HIVEP1: variants seen among roughly 807,000 people sequenced by gnomAD.
The protein encoded by HIVEP1 is zinc finger protein 40.
In HIVEP1, 36 loss-of-function variants were observed where a neutral mutation model predicts 180.0. That is an observed-to-expected ratio of 0.20 (90% CI 0.15 to 0.26). The LOEUF is 0.26. HIVEP1 is among the 10% of genes least tolerant of loss of function. The pLI, the probability that HIVEP1 is intolerant of heterozygous loss-of-function variation, is 1.00. For missense variants in HIVEP1, 3,143 were observed against 3,268.7 expected, an observed-to-expected ratio of 0.96 and a Z score of 0.94; for synonymous variants, 1,239 against 1,239.0, an observed-to-expected ratio of 1.00 and a Z score of 0.00.
chr6:12,128,101 G>T (rs1452634359), intron 4 of HIVEP1, among the ~76,000 whole-genome samples: 1 of 152,168 alleles, frequency 6.6e-6, no homozygotes, highest in Admixed American at 6.5e-5. Flanking sequence ...TGATAACTTT[G>T]GCAAGTAGAA....
the HIVEP1 span, among the ~76,000 whole-genome samples, chr6:12,185,796 G>C: frequency 2.0e-5 from 3 of 152,190 alleles, no homozygotes; most frequent in African/African-American, 7.2e-5. Flanking sequence ...AGAATACCAA[G>C]TGTTGGCAAG....
intron 7 of HIVEP1, among the ~76,000 whole-genome samples, chr6:12,138,263 A>G (rs1758811288): frequency 6.6e-6 from 1 of 152,198 alleles, no homozygotes; most frequent in Admixed American, 6.5e-5. Flanking sequence ...TCACCTCTTT[A>G]ATTATACCTA....
intron 4 of HIVEP1, among the ~76,000 whole-genome samples, chr6:12,128,882 A>G (rs1758251532): frequency 6.6e-6 from 1 of 152,200 alleles, no homozygotes; most frequent in Admixed American, 6.5e-5. Context: ...TGCCACATTT[A>G]TCAGTATTCA....
intron 3 of HIVEP1, among the ~76,000 whole-genome samples, chr6:12,109,761 ACCT>A (rs1774765198): frequency 6.6e-6 from 1 of 152,008 alleles, no homozygotes; most frequent in Non-Finnish European, 1.5e-5. Context: ...TGCCATTTTG[ACCT>A]CCTCTCATCA....
In HIVEP1 at chr6:12,122,863, A is replaced by T; in HGVS notation, c.3068A>T (p.Glu1023Val). 5 of 1,614,124 alleles carry T rather than the reference A, an allele frequency of 3.1e-6. No homozygotes were observed. Among genetic ancestry groups the T allele is most frequent in the Non-Finnish European group, 4.2e-6 (5 of 1,179,976 alleles). ...GTCGCTGGGTCCTCCGGCATCTGGG[A>T]ACAGACGCCCCAGATAAGAAAAAGG... ...YRVAGSSGIW[E>V]QTPQIRKRRK... The change falls in exon 4 of 9, where the codon GAA becomes GTA. Residue 1023 changes from glutamate to valine, a missense_variant. Physicochemically the swap from Glu to Val is moderately radical, Grantham distance 121. This residue lies in a region of HIVEP1 where 1,357 missense variants were observed against 1,260.5 expected (regional missense o/e 1.08). Transcript: ENST00000379388.
At chr6:12,024,038 A>G (rs1768421952) in intron 2 of HIVEP1, among the ~76,000 whole-genome samples, 1 of 152,174 alleles carries the variant, frequency 6.6e-6, no homozygotes, top group East Asian at 1.9e-4. Context: ...TTAACTCTTT[A>G]AAAACATTTT....
intron 2 of HIVEP1, among the ~76,000 whole-genome samples, chr6:12,017,569 CCCGTCTGG>C (rs1302908620): frequency 5.8e-4 from 89 of 152,356 alleles, no homozygotes; most frequent in African/African-American, 2.1e-3. Context: ...CTTTTATTCT[CCCGTCTGG>C]CCCCACCCAC....
intron 3 of HIVEP1, among the ~76,000 whole-genome samples, chr6:12,099,244 G>A (rs1385953259): frequency 6.6e-6 from 1 of 151,340 alleles, no homozygotes; most frequent in Non-Finnish European, 1.5e-5. Flanking sequence ...TGCAGTGGCG[G>A]GATCTCGGCT....
intron 6 of HIVEP1, among the ~76,000 whole-genome samples, chr6:12,131,808 A>G (rs1477665648): frequency 3.4e-5 from 5 of 146,068 alleles, no homozygotes; most frequent in Non-Finnish European, 7.6e-5. Context: ...AAAAAAAATT[A>G]ATTGATTTTT....
In HIVEP1 at chr6:12,124,963, T is replaced by C. The variant is rs1178526343; in HGVS notation, c.5168T>C (p.Leu1723Ser). The change falls in exon 4 of 9, where the codon TTG becomes TCG. Residue 1723 changes from leucine (L) to serine (S), a missense_variant. Around this residue, in one of 12 missense-constraint regions of HIVEP1, gnomAD observed 1,357 missense variants for 1,260.5 expected, o/e 1.08. Coordinates refer to ENST00000379388, the MANE Select transcript of HIVEP1 (RefSeq NM_002114.4). ...MSQNSSLSESLPITQKISVGR... is the reference protein window; with the variant it reads ...MSQNSSLSESSPITQKISVGR... ...CAAAATTCTTCTCTATCAGAATCCT[T>C]GCCCATAACTCAGAAAATATCTGTT... 6.2e-7 allele frequency: 1 copy of C among 1,614,150 alleles called. No homozygotes were observed. The highest frequency in any genetic ancestry group is 1.1e-5 in the South Asian group (1 of 91,080).
intron 3 of HIVEP1, among the ~76,000 whole-genome samples, chr6:12,095,487 A>T (rs1388218736): frequency 9.4e-6 from 1 of 105,830 alleles, no homozygotes; most frequent in African/African-American, 3.7e-5. Flanking sequence ...ACCCCAAATC[A>T]TGTTGGAATT....
chr6:12,145,336 G>A (rs1276918268), intron 7 of HIVEP1, among the ~76,000 whole-genome samples: 3 of 152,102 alleles, frequency 2.0e-5, no homozygotes, highest in Non-Finnish European at 4.4e-5. Flanking sequence ...CTTGAACACA[G>A]GGAGGGGAAC....
At chr6:12,209,828 A>T in the HIVEP1 span, among the ~76,000 whole-genome samples, 1 of 152,204 alleles carries the variant, frequency 6.6e-6, no homozygotes, top group Non-Finnish European at 1.5e-5. Context: ...GTGGTTAAAA[A>T]ATGTTTGATT....
chr6:12,043,145 G>A (rs1281440238), intron 2 of HIVEP1, among the ~76,000 whole-genome samples: 2 of 152,058 alleles, frequency 1.3e-5, no homozygotes, highest in African/African-American at 4.8e-5. Flanking sequence ...AATTCCAAAA[G>A]GGTAAGTTTG....
chr6:12,045,629 C>T (rs1770072005), intron 2 of HIVEP1, among the ~76,000 whole-genome samples: 1 of 152,130 alleles, frequency 6.6e-6, no homozygotes. Context: ...GTGTACCCTG[C>T]TATGTTAGGG....
chr6:12,119,832 T>G, intron 3 of HIVEP1, 58 bp from the exon 4 acceptor site: 1 of 1,092,220 alleles, frequency 9.2e-7, no homozygotes, highest in Non-Finnish European at 1.3e-6. Context: ...TTCAAAAAAT[T>G]ATAGTTGGTG....
chr6:12,028,602 A>C (rs1314539426), intron 2 of HIVEP1, among the ~76,000 whole-genome samples: 1 of 152,180 alleles, frequency 6.6e-6, no homozygotes, highest in African/African-American at 2.4e-5. Flanking sequence ...GTTTGCAATA[A>C]GTTGTATTTG....
At chr6:12,098,003 TAGAA>T (rs1390939640) in intron 3 of HIVEP1, among the ~76,000 whole-genome samples, 3 of 152,164 alleles carry the variant, frequency 2.0e-5, no homozygotes, top group Admixed American at 1.3e-4. Flanking sequence ...GGATGATTCA[TAGAA>T]AGACTCACAT....
chr6:12,058,668 C>T (rs572967293), intron 2 of HIVEP1, among the ~76,000 whole-genome samples: 18 of 152,080 alleles, frequency 1.2e-4, no homozygotes, highest in Non-Finnish European at 2.2e-4. Flanking sequence ...GTAGATTTTC[C>T]ATGTTTCCTA....
Sources: allele counts gnomAD v4.1 joint callset (sites outside exome capture counted in the v4.1 genomes callset), GRCh38; gene constraint gnomAD v4.1.1; regional missense constraint gnomAD v4.1.1; transcripts MANE v1.5; gene names NCBI Gene and HGNC (gene_info 2026-07-23, HGNC 2026-07-21).